The following SUPV3L1 variants were observed in gnomAD, a reference collection of about 807,000 sequenced individuals.
SUPV3L1 encodes ATP-dependent RNA helicase SUPV3L1, mitochondrial.
Under a neutral mutation model 70.0 loss-of-function variants are expected in SUPV3L1, and 35 were observed. That is an observed-to-expected ratio of 0.50 (90% CI 0.38 to 0.66). The LOEUF (loss-of-function observed/expected upper bound fraction) is 0.66. Among genes scored for constraint, SUPV3L1 ranks in the 30% least tolerant of loss-of-function variants. The pLI is 0.00. For synonymous variants in SUPV3L1, 364 were observed against 341.9 expected (o/e 1.06, Z -0.71); for missense variants, 777 against 961.5 (o/e 0.81, Z 2.54).
At chr10:69,182,561 C>G (rs1184391190) in intron 1 of SUPV3L1, 1 of 985,198 alleles carries the variant, frequency 1.0e-6, no homozygotes, top group Non-Finnish European at 1.2e-6. Context: ...TTTGCTGCTT[C>G]CTGTAAGAAG....
Position 69,186,345 on chromosome 10 carries a change from GA to G in SUPV3L1, c.350-89del, listed in dbSNP as rs71035072. 7.1e-4 allele frequency: 391 copies of G among 551,266 alleles called. 1 individual carries two copies. The highest frequency in any genetic ancestry group is 8.6e-4 in the Admixed American group (25 of 29,000). The allele number at this position is 551,266 out of a possible 1,614,324, so 34.1% of individuals were successfully genotyped here. ...ACTGCCAAAAAAAAAAAAAAAAAAA[GA>G]AAAAAAAAGACTCTTTGATGAGTTT... On this transcript the variant is annotated intron_variant, in intron 2 of 14. Transcript: ENST00000359655.
chr10:69,186,682 G>T, intron 3 of SUPV3L1, 132 bp downstream of exon 3: 3 of 712,808 alleles, frequency 4.2e-6, no homozygotes, highest in African/African-American at 3.6e-5. Context: ...AAATAATTCA[G>T]TGCTTTCACA....
Position 69,196,982 on chromosome 10 carries a change from G to A in SUPV3L1, c.932-10G>A. The A allele has an allele frequency of 6.2e-7, 1 of 1,612,116 alleles. No homozygotes were observed. The highest frequency in any genetic ancestry group is 8.5e-7 in the Non-Finnish European group (1 of 1,178,678). On this transcript the variant is annotated splice_polypyrimidine_tract_variant and intron_variant, in intron 7 of 14. Transcript: ENST00000359655. ...CTTTAAAATTAAGAAACCCAGTTTT[G>A]CATTGACAGGACTGTGTGCTGAAGA...
chr10:69,199,183 C>T lies in SUPV3L1; in HGVS notation c.1284C>T (p.Gly428=). 1 of 1,609,254 alleles carries T rather than the reference C, an allele frequency of 6.2e-7. No homozygotes were observed. The highest frequency in any genetic ancestry group is 8.5e-7 in the Non-Finnish European group (1 of 1,178,338). The part of the protein sequence containing the change: ...CKILVATDAI[G]MGLNLSIRRI... ...TCTTGGTTGCTACAGATGCAATTGG[C>T]ATGGGACTTAATTTGTAAGTAATTT... Residue 428 remains glycine (G), a synonymous_variant, in exon 10 of 15, where the codon GGC becomes GGT. Transcript: ENST00000359655.
rs770456804 is a variant in SUPV3L1, at chr10:69,200,253, G to A, written c.1299-27G>A. ...TATTGGAGGGTTTTTCATACAGTCT[G>A]CAGGATCACTTTTATTTCTGTTTCA... On this transcript the variant is annotated intron_variant, in intron 10 of 14. Coordinates refer to ENST00000359655, the MANE Select transcript of SUPV3L1 (RefSeq NM_003171.5). 2.5e-6 allele frequency: 4 copies of A among 1,592,392 alleles called. No individual in the cohort carries two copies. In the African/African-American group the frequency reaches 4.0e-5, roughly 16 times the overall value.
At chr10:69,183,010 T>G (rs1426897896) in intron 1 of SUPV3L1, among the ~76,000 whole-genome samples, 1 of 152,192 alleles carries the variant, frequency 6.6e-6, no homozygotes, top group East Asian at 1.9e-4. Context: ...TCCTTCACCC[T>G]GGACCTATAT....
At position 69,191,764 on chromosome 10, in the gene SUPV3L1, C is replaced by G. The variant is rs1485744260; in HGVS notation, c.851C>G (p.Pro284Arg). The change falls in exon 6 of 15, where the codon CCT (proline) becomes CGT (arginine). Residue 284 changes from proline to arginine, a missense_variant and splice_region_variant. Around this residue, in one of 2 missense-constraint regions of SUPV3L1, gnomAD observed 619 missense variants for 823.3 expected, o/e 0.75. Coordinates refer to ENST00000359655, the MANE Select transcript of SUPV3L1 (RefSeq NM_003171.5). ...GTTGAGATGTGCAGTGTTACAACTC[C>G]TTGTATGTATATGCTGTTTAAGAAA... ...CTVEMCSVTT[P>R]YEVAVIDEIQ... 1 of 1,606,250 alleles carries G rather than the reference C, an allele frequency of 6.2e-7. No homozygotes were observed. The highest frequency in any genetic ancestry group is 2.2e-5 in the East Asian group (1 of 44,790).
At chr10:69,183,253 C>G (rs937007562) in intron 1 of SUPV3L1, among the ~76,000 whole-genome samples, 1 of 152,220 alleles carries the variant, frequency 6.6e-6, no homozygotes, top group African/African-American at 2.4e-5. Flanking sequence ...CCCTCATTCT[C>G]CACTGCAACC....
intron 6 of SUPV3L1, among the ~76,000 whole-genome samples, chr10:69,194,512 C>T (rs1001325611): frequency 3.9e-5 from 6 of 152,060 alleles, no homozygotes; most frequent in Non-Finnish European, 7.4e-5. Flanking sequence ...CCACCATGCC[C>T]GGCTAATTTT....
intron 13 of SUPV3L1, 54 bp from the exon 14 acceptor site, chr10:69,207,739 G>T: frequency 6.4e-7 from 1 of 1,556,226 alleles, no homozygotes; most frequent in Non-Finnish European, 8.7e-7. Flanking sequence ...TCTAATTATA[G>T]ACTTAAGGGA....
intron 13 of SUPV3L1, among the ~76,000 whole-genome samples, chr10:69,206,737 G>A (rs778492436): frequency 2.6e-5 from 4 of 152,150 alleles, no homozygotes; most frequent in African/African-American, 7.2e-5. Flanking sequence ...AGCCAGGTGC[G>A]GTGGCTCACG....
intron 1 of SUPV3L1, among the ~76,000 whole-genome samples, chr10:69,185,491 C>T (rs1406267482): frequency 2.0e-5 from 3 of 147,378 alleles, no homozygotes; most frequent in African/African-American, 4.9e-5. Flanking sequence ...TTATTTGACT[C>T]GATCATTTTT....
chr10:69,189,893 G>T (rs943482382), intron 5 of SUPV3L1, among the ~76,000 whole-genome samples: 1 of 152,042 alleles, frequency 6.6e-6, no homozygotes, highest in African/African-American at 2.4e-5. Flanking sequence ...TGATCTGCCC[G>T]TCTCGGCCTC....
chr10:69,207,046 GA>G (rs1369173640), intron 13 of SUPV3L1, among the ~76,000 whole-genome samples: 1 of 152,192 alleles, frequency 6.6e-6, no homozygotes, highest in African/African-American at 2.4e-5. Flanking sequence ...ACAAGATAGA[GA>G]AACTTAAGCT....
intron 13 of SUPV3L1, among the ~76,000 whole-genome samples, chr10:69,206,215 C>A (rs1475456322): frequency 1.3e-5 from 2 of 152,198 alleles, no homozygotes; most frequent in East Asian, 3.8e-4. Flanking sequence ...CATTTCTACC[C>A]TTTATGGCTA....
At chr10:69,201,622 TCTC>T (rs758545237) in intron 11 of SUPV3L1, among the ~76,000 whole-genome samples, 6 of 150,142 alleles carry the variant, frequency 4.0e-5, no homozygotes, top group Non-Finnish European at 7.4e-5. Flanking sequence ...GTAACCCCAA[TCTC>T]CTGAGCTCAG....
intron 13 of SUPV3L1, among the ~76,000 whole-genome samples, chr10:69,206,500 A>G (rs755942801): frequency 2.0e-5 from 3 of 152,184 alleles, no homozygotes; most frequent in Non-Finnish European, 4.4e-5. Flanking sequence ...GTGATGTATA[A>G]TATTGCCTAA....
chr10:69,183,889 T>TG (rs1430905926), intron 1 of SUPV3L1, among the ~76,000 whole-genome samples: 1 of 151,486 alleles, frequency 6.6e-6, no homozygotes, highest in African/African-American at 2.4e-5. Context: ...TGTCTTTTTT[T>TG]TTTTTTTAGC....
chr10:69,183,096 TTCCCCTCAGCCTGC>T (rs1460550476), intron 1 of SUPV3L1, among the ~76,000 whole-genome samples: 1 of 152,198 alleles, frequency 6.6e-6, no homozygotes, highest in Non-Finnish European at 1.5e-5. Flanking sequence ...ACAACTTACC[TTCCCCTCAGCCTGC>T]TCCTGCAGGT....
Sources: gnomAD v4.1 joint callset for allele counts (sites outside exome capture counted in the v4.1 genomes callset) on GRCh38, gnomAD v4.1.1 for gene constraint, gnomAD v4.1.1 regional missense constraint, MANE v1.5 for transcripts, NCBI Gene and HGNC (gene_info 2026-07-23, HGNC 2026-07-21) for gene names.